Variants in ARHGEF26 observed in about 807,000 individuals in gnomAD.
The protein encoded by ARHGEF26 is Rho guanine nucleotide exchange factor (GEF) 26.
A neutral mutation model predicts 89.4 loss-of-function variants in ARHGEF26; 59 were observed. That is an observed-to-expected ratio of 0.66 (90% CI 0.54 to 0.82). The LOEUF (loss-of-function observed/expected upper bound fraction) is 0.82, where lower values mean the gene tolerates loss of function less well. Among genes scored for constraint, ARHGEF26 ranks in the 40% least tolerant of loss-of-function variants. The pLI is 0.00. For synonymous variants in ARHGEF26, 500 were observed against 428.4 expected (o/e 1.17, Z -2.06); for missense variants, 1,234 against 1,085.6 (o/e 1.14, Z -1.92).
intron 11 of ARHGEF26, among the ~76,000 whole-genome samples, chr3:154,229,801 C>T (rs931026593): frequency 3.3e-5 from 5 of 152,164 alleles, no homozygotes; most frequent in Non-Finnish European, 7.3e-5. Flanking sequence ...ACTAAACTAG[C>T]TTTGCCTTTG....
intron 6 of ARHGEF26, among the ~76,000 whole-genome samples, chr3:154,153,156 TTCC>T (rs1720126777): frequency 6.6e-6 from 1 of 152,124 alleles, no homozygotes; most frequent in Non-Finnish European, 1.5e-5. Flanking sequence ...AGTTATGTTA[TTCC>T]TCTTTCCCCA....
chr3:154,222,323 A>T (rs1231299665), intron 10 of ARHGEF26, among the ~76,000 whole-genome samples: 2 of 152,118 alleles, frequency 1.3e-5, no homozygotes, highest in Non-Finnish European at 2.9e-5. Flanking sequence ...TCAAGTGCTA[A>T]ACTGCAGTAA....
chr3:154,180,349 C>T (rs190633485), intron 6 of ARHGEF26, among the ~76,000 whole-genome samples: 52 of 152,118 alleles, frequency 3.4e-4, no homozygotes, highest in African/African-American at 9.9e-4. Flanking sequence ...ATAAACATGG[C>T]GCCCTTTGTG....
At chr3:154,226,691 A>C (rs1364463654) in intron 11 of ARHGEF26, among the ~76,000 whole-genome samples, 26 of 139,248 alleles carry the variant, frequency 1.9e-4, no homozygotes, top group Admixed American at 1.8e-3. Flanking sequence ...ACACACACAC[A>C]CACACCCCTT....
chr3:154,237,473 C>T (rs1442905669), intron 11 of ARHGEF26, among the ~76,000 whole-genome samples: 4 of 150,812 alleles, frequency 2.7e-5, no homozygotes, highest in Admixed American at 1.3e-4. Flanking sequence ...ACCTGGCAGG[C>T]GGAGGTTGCA....
At chr3:154,171,462 A>G (rs760991966) in intron 6 of ARHGEF26, among the ~76,000 whole-genome samples, 17 of 152,170 alleles carry the variant, frequency 1.1e-4, no homozygotes, top group Non-Finnish European at 1.8e-4. Context: ...TGTGTTCATC[A>G]TTATTAGTAT....
In ARHGEF26 at chr3:154,176,960, AG is replaced by A. The variant is rs1295149185; in HGVS notation, c.1488-10721del. On this transcript the variant is annotated intron_variant, in intron 6 of 14. Transcript: ENST00000465093. Reference sequence around the variant, plus strand: ...TGCCTGGCTTGGTAGAGTCTCTAAAAGGGGATTGATGCAAGAATAAAAGGGA... The same window carrying A: ...TGCCTGGCTTGGTAGAGTCTCTAAAAGGGATTGATGCAAGAATAAAAGGGA... Among the ~76,000 whole-genome samples, 14 of 152,278 alleles carry A rather than the reference AG, an allele frequency of 9.2e-5. 1 individual carries two copies. In the South Asian group the frequency reaches 2.9e-3, roughly 32 times the overall value.
chr3:154,219,981 T>C (rs1716029272), intron 10 of ARHGEF26, among the ~76,000 whole-genome samples: 1 of 152,218 alleles, frequency 6.6e-6, no homozygotes, highest in Non-Finnish European at 1.5e-5. Flanking sequence ...TCCTGAGTTT[T>C]GGTTGTTTTC....
chr3:154,249,751 G>A (rs936304565), intron 12 of ARHGEF26, among the ~76,000 whole-genome samples: 12 of 152,140 alleles, frequency 7.9e-5, no homozygotes, highest in African/African-American at 2.9e-4. Context: ...TGCCACAGAT[G>A]GGATTCAGTG....
chr3:154,256,337 C>A lies in ARHGEF26; in HGVS notation c.*864C>A. 1 of 875,890 alleles carries A rather than the reference C, an allele frequency of 1.1e-6. No individual in the cohort carries two copies. Among genetic ancestry groups the A allele is most frequent in the Non-Finnish European group, 1.4e-6 (1 of 730,960 alleles). 54.3% of individuals were successfully genotyped at this position (875,890 alleles called of 1,614,324 possible). A position where few individuals can be genotyped will look rare whatever the true frequency, so the allele number is the denominator to read the frequency against. ...TCCTAGGTTCAAGTGATTCTCCTGC[C>A]TCAGCCTCCCAAGTAGCTGGGATTG... On this transcript the variant is annotated 3_prime_UTR_variant, in exon 15 of 15. Transcript: ENST00000465093.
At chr3:154,179,662 G>C (rs993516391) in intron 6 of ARHGEF26, among the ~76,000 whole-genome samples, 1 of 152,198 alleles carries the variant, frequency 6.6e-6, no homozygotes, top group East Asian at 1.9e-4. Context: ...GAAAGAATGG[G>C]TAGGGAAGGG....
At chr3:154,173,238 T>G (rs1336000551) in intron 6 of ARHGEF26, among the ~76,000 whole-genome samples, 1 of 147,920 alleles carries the variant, frequency 6.8e-6, no homozygotes, top group Non-Finnish European at 1.5e-5. Flanking sequence ...ACGTAAAAAT[T>G]CATTATGTTA....
chr3:154,209,263 G>A (rs1411318628), intron 9 of ARHGEF26, among the ~76,000 whole-genome samples: 1 of 152,082 alleles, frequency 6.6e-6, no homozygotes, highest in Non-Finnish European at 1.5e-5. Context: ...TTGGTCCCTG[G>A]TTCCTTATTT....
In ARHGEF26 at chr3:154,256,903, T is replaced by G. The variant is rs750189892; in HGVS notation, c.*1430T>G. 7.7e-5 allele frequency: 118 copies of G among 1,535,196 alleles called. No individual in the cohort carries two copies. Among genetic ancestry groups the G allele is most frequent in the Admixed American group, 1.8e-4 (9 of 50,952 alleles). Reference sequence around the variant, plus strand: ...GAGAAAGGTTATCTTAATAGTCGGTTTCATGGAGATGAAGGATGGGAGATT... The same window carrying G: ...GAGAAAGGTTATCTTAATAGTCGGTGTCATGGAGATGAAGGATGGGAGATT... On this transcript the variant is annotated 3_prime_UTR_variant, in exon 15 of 15. Coordinates refer to ENST00000465093, the MANE Select transcript of ARHGEF26 (RefSeq NM_015595.4).
intron 3 of ARHGEF26, 25 bp downstream of exon 3, chr3:154,124,474 T>C (rs1206335482): frequency 6.5e-7 from 1 of 1,527,836 alleles, no homozygotes; most frequent in Non-Finnish European, 8.7e-7. Flanking sequence ...TTCCAAACTT[T>C]CATTGCTGTT....
intron 3 of ARHGEF26, among the ~76,000 whole-genome samples, chr3:154,127,311 CA>C (rs1161003740): frequency 2.6e-5 from 4 of 152,194 alleles, no homozygotes; most frequent in Non-Finnish European, 4.4e-5. Flanking sequence ...ACACATTGTA[CA>C]ACTGTACAGA....
intron 7 of ARHGEF26, among the ~76,000 whole-genome samples, chr3:154,190,245 C>T (rs1240845581): frequency 6.6e-6 from 1 of 152,104 alleles, no homozygotes; most frequent in Admixed American, 6.5e-5. Flanking sequence ...GGCACAGTGG[C>T]TCACGCCTGT....
At chr3:154,231,613 TA>T (rs1716827154) in intron 11 of ARHGEF26, among the ~76,000 whole-genome samples, 2 of 152,158 alleles carry the variant, frequency 1.3e-5, no homozygotes. Context: ...GATTTTGCCG[TA>T]AATCAAATTA....
At chr3:154,201,613 C>T (rs1435167125) in intron 9 of ARHGEF26, among the ~76,000 whole-genome samples, 6 of 151,916 alleles carry the variant, frequency 3.9e-5, no homozygotes, top group South Asian at 2.1e-4. Flanking sequence ...AGTTTACAGT[C>T]CCACCAACAG....
Sources: allele counts gnomAD v4.1 joint callset (sites outside exome capture counted in the v4.1 genomes callset), GRCh38; gene constraint gnomAD v4.1.1; transcripts MANE v1.5; gene names NCBI Gene and HGNC (gene_info 2026-07-23, HGNC 2026-07-21).